The following ANO5 variants were observed in gnomAD, a reference collection of about 807,000 sequenced individuals.
The protein encoded by ANO5 is anoctamin-5.
Under a neutral mutation model 121.0 loss-of-function variants are expected in ANO5, and 109 were observed. The ratio of observed to expected loss-of-function variants is 0.90; its 90% CI spans 0.77 to 1.06. The LOEUF (loss-of-function observed/expected upper bound fraction) is 1.06. Ranked by LOEUF, ANO5 falls within the 50% of genes least tolerant of loss-of-function variation. The pLI, the probability that ANO5 is intolerant of heterozygous loss-of-function variation, is 0.00. For synonymous variants in ANO5, 406 were observed against 359.9 expected, an observed-to-expected ratio of 1.13 and a Z score of -1.45; for missense variants, 1,064 against 1,078.5, an observed-to-expected ratio of 0.99 and a Z score of 0.19.
chr11:22,251,543 A>C (rs1033977384), intron 12 of ANO5, among the ~76,000 whole-genome samples: 3 of 152,216 alleles, frequency 2.0e-5, no homozygotes, highest in African/African-American at 7.2e-5. Context: ...TTTCAGTTGG[A>C]AAGTTAAAGT....
rs1855140374 is a variant in ANO5 at position 22,283,248 on chromosome 11, C to T, written c.*3483C>T. ...TTTCTTTCTTCCAAGTTTTTTTTTC[C>T]AGGAAGAGAAATATGCAGTTATGCA... On this transcript the variant is annotated 3_prime_UTR_variant, in exon 22 of 22. Transcript: ENST00000324559. 2.0e-5 allele frequency: 3 copies of T among 151,876 alleles called. No individual in the cohort carries two copies. The highest frequency in any genetic ancestry group is 2.1e-4 in the South Asian group (1 of 4,812). 9.4% of individuals were successfully genotyped at this position (151,876 alleles called of 1,614,324 possible). A position where few individuals can be genotyped will look rare whatever the true frequency, so the allele number is the denominator to read the frequency against.
chr11:22,198,343 A>T (rs1851870447), intron 1 of ANO5, among the ~76,000 whole-genome samples: 1 of 152,168 alleles, frequency 6.6e-6, no homozygotes, highest in Non-Finnish European at 1.5e-5. Context: ...GTCTAGGCTG[A>T]TATAATGTGA....
rs766187412 is a variant in ANO5 at position 22,203,175 on chromosome 11, AT to A, written c.41-628del. Among the ~76,000 whole-genome samples, 941 of 152,254 alleles carry A rather than the reference AT, an allele frequency of 6.2e-3. 7 individuals are homozygous for A. Among genetic ancestry groups the A allele is most frequent in the African/African-American group, 0.021 (875 of 41,576 alleles). On this transcript the variant is annotated intron_variant, in intron 1 of 21. Transcript: ENST00000324559. ...CATTGTGATATTTTCTCCAAAAAAA[AT>A]ATATAGGAAGTTTTTGACTTAAATA...
intron 17 of ANO5, among the ~76,000 whole-genome samples, chr11:22,269,297 AAGAAGAAAG>A (rs1854499026): frequency 1.3e-5 from 1 of 74,532 alleles, no homozygotes. Context: ...GGAAGAAGGA[AAGAAGAAAG>A]GAAGGAAGGA....
intron 7 of ANO5, among the ~76,000 whole-genome samples, chr11:22,231,994 C>T (rs536853346): frequency 6.6e-6 from 1 of 152,066 alleles, no homozygotes; most frequent in South Asian, 2.1e-4. Flanking sequence ...AGAAAATATT[C>T]TTAGCCATCC....
At chr11:22,201,982 G>T (rs1000908539) in intron 1 of ANO5, among the ~76,000 whole-genome samples, 1 of 152,104 alleles carries the variant, frequency 6.6e-6, no homozygotes, top group African/African-American at 2.4e-5. Context: ...CTGAAAGAAG[G>T]TATAAGGATC....
rs146255428 is a variant in ANO5, at chr11:22,251,249, T to C, written c.1180+238T>C. Among the ~76,000 whole-genome samples the C allele has an allele frequency of 2.7e-3, 415 of 152,342 alleles. 3 individuals are homozygous for C. Among genetic ancestry groups the C allele is most frequent in the African/African-American group, 9.5e-3 (395 of 41,582 alleles). ...AAGAGACAACATAATTTTTGAAACA[T>C]CAAATGTATTAATTTCCCACTGTCT... is the stretch of plus-strand genomic sequence containing the variant. On this transcript the variant is annotated intron_variant, in intron 12 of 21. Transcript: ENST00000324559.
At chr11:22,245,795 C>A (rs1401272420) in intron 9 of ANO5, among the ~76,000 whole-genome samples, 1 of 152,094 alleles carries the variant, frequency 6.6e-6, no homozygotes, top group African/African-American at 2.4e-5. Context: ...TTAAAAATGT[C>A]ATTTTCTCAT....
At chr11:22,217,329 A>AC (rs1852477917) in intron 3 of ANO5, among the ~76,000 whole-genome samples, 1 of 151,896 alleles carries the variant, frequency 6.6e-6, no homozygotes, top group African/African-American at 2.4e-5. Context: ...TAGGTAATTG[A>AC]CCCTGTATTT....
intron 17 of ANO5, among the ~76,000 whole-genome samples, chr11:22,268,910 T>G (rs1176078603): frequency 6.6e-6 from 1 of 151,908 alleles, no homozygotes; most frequent in East Asian, 1.9e-4. Context: ...CCCAGCTACT[T>G]GAGAGGTGGA....
chr11:22,224,867 T>C (rs1852772842), intron 5 of ANO5, among the ~76,000 whole-genome samples: 1 of 152,056 alleles, frequency 6.6e-6, no homozygotes, highest in Non-Finnish European at 1.5e-5. Context: ...TCGATGGAAC[T>C]GGAAGCCATT....
At chr11:22,227,646 C>T in intron 7 of ANO5, 60 bp downstream of exon 7, 2 of 1,578,814 alleles carry the variant, frequency 1.3e-6, no homozygotes, top group Non-Finnish European at 1.7e-6. Flanking sequence ...CTTGTGTGTG[C>T]TTTTATACAT....
intron 19 of ANO5, 21 bp from the exon 20 acceptor site, chr11:22,274,548 C>CTTT: frequency 1.6e-6 from 2 of 1,266,714 alleles, no homozygotes; most frequent in South Asian, 1.5e-5. Flanking sequence ...TGATCTTCCT[C>CTTT]TTTTTTTTTT....
chr11:22,206,299 T>C (rs1448270802), intron 2 of ANO5, among the ~76,000 whole-genome samples: 1 of 149,752 alleles, frequency 6.7e-6, no homozygotes, highest in Non-Finnish European at 1.5e-5. Context: ...ACTCTATTGA[T>C]GGAAGGCTCC....
At chr11:22,226,718 A>G (rs1852846121) in intron 6 of ANO5, among the ~76,000 whole-genome samples, 1 of 152,108 alleles carries the variant, frequency 6.6e-6, no homozygotes, top group Non-Finnish European at 1.5e-5. Flanking sequence ...TTAAAGAAAA[A>G]GAAAAGAAAA....
At chr11:22,240,744 T>C (rs1853401367) in intron 9 of ANO5, among the ~76,000 whole-genome samples, 1 of 152,068 alleles carries the variant, frequency 6.6e-6, no homozygotes, top group African/African-American at 2.4e-5. Context: ...CAAAAATAAC[T>C]AGGCTTGATT....
At chr11:22,205,646 A>G (rs1312028473) in intron 2 of ANO5, among the ~76,000 whole-genome samples, 2 of 152,128 alleles carry the variant, frequency 1.3e-5, no homozygotes, top group African/African-American at 4.8e-5. Flanking sequence ...GCAATTGAAA[A>G]CCAGAAAGTA....
At chr11:22,257,503 C>T (rs1473955629) in intron 13 of ANO5, among the ~76,000 whole-genome samples, 177 bp from the exon 14 acceptor site, 1 of 152,078 alleles carries the variant, frequency 6.6e-6, no homozygotes, top group Non-Finnish European at 1.5e-5. Context: ...TCTAGGAGGC[C>T]TGGAGATTTC....
chr11:22,275,947 T>C (rs1009382491), intron 20 of ANO5, 147 bp from the exon 21 acceptor site: 1 of 621,198 alleles, frequency 1.6e-6, no homozygotes, highest in African/African-American at 1.9e-5. Context: ...GAAAGATAAA[T>C]GTTTCATAAT....
Sources: allele counts gnomAD v4.1 joint callset (sites outside exome capture counted in the v4.1 genomes callset), GRCh38; gene constraint gnomAD v4.1.1; transcripts MANE v1.5; gene names NCBI Gene and HGNC (gene_info 2026-07-23, HGNC 2026-07-21).